Variants in TAB1 observed in about 807,000 individuals in gnomAD.
The protein encoded by TAB1 is TGF-beta-activated kinase 1 and MAP3K7-binding protein 1.
Under a neutral mutation model 54.5 loss-of-function variants are expected in TAB1, and 30 were observed. The observed-to-expected ratio is 0.55, with a 90% confidence interval of 0.41 to 0.75. The LOEUF is 0.75. Among genes scored for constraint, TAB1 ranks in the 30% least tolerant of loss-of-function variants. The probability of loss-of-function intolerance (pLI) is 0.00; values close to 1 mark genes in which losing one functional copy is unlikely to be tolerated. For missense variants in TAB1, 609 were observed against 683.2 expected (o/e 0.89, Z 1.21); for synonymous variants, 289 against 286.9 (o/e 1.01, Z -0.07).
intron 7 of TAB1, among the ~76,000 whole-genome samples, chr22:39,421,075 T>C (rs565908401): frequency 7.9e-5 from 12 of 151,212 alleles, no homozygotes; most frequent in South Asian, 2.1e-4. Context: ...TGCTCCTCCT[T>C]CTTTTCTTTT....
At position 39,431,157 on chromosome 22, in the gene TAB1, A is replaced by G; in HGVS notation, c.*935A>G. ...GGGGGACTTGTTTGAAAGAAAGAGGAGTGGAAAATGGTTCCAGGAGGGAAG... is the reference window on the plus strand; with the variant it reads ...GGGGGACTTGTTTGAAAGAAAGAGGGGTGGAAAATGGTTCCAGGAGGGAAG... On this transcript the variant is annotated 3_prime_UTR_variant, in exon 11 of 11. Transcript: ENST00000216160. 2 of 985,856 alleles carry G rather than the reference A, an allele frequency of 2.0e-6. No individual in the cohort carries two copies. Among genetic ancestry groups the G allele is most frequent in the Non-Finnish European group, 2.4e-6 (2 of 830,314 alleles). The allele number at this position is 985,856 out of a possible 1,614,324, so 61.1% of individuals were successfully genotyped here.
chr22:39,416,601 A>G (rs1926843313), intron 3 of TAB1, 190 bp from the exon 4 acceptor site: 1 of 620,068 alleles, frequency 1.6e-6, no homozygotes, highest in Non-Finnish European at 2.9e-6. Context: ...TGTCAAAGAC[A>G]TTGATCTGCA....
chr22:39,430,838 C>T lies in TAB1; in HGVS notation c.*616C>T. On this transcript the variant is annotated 3_prime_UTR_variant, in exon 11 of 11. Coordinates refer to ENST00000216160, the MANE Select transcript of TAB1 (RefSeq NM_006116.3). ...CTGGGATGGCCACAGAAGGGGCAGG[C>T]CAGGTGGAAAGGAGCCAGGGGGAAG... The T allele has an allele frequency of 4.0e-6, 4 of 990,654 alleles. No homozygotes were observed. Among genetic ancestry groups the T allele is most frequent in the Non-Finnish European group, 4.8e-6 (4 of 832,652 alleles). 61.4% of individuals were successfully genotyped at this position (990,654 alleles called of 1,614,324 possible).
At chr22:39,419,446 G>T (rs900087182) in intron 6 of TAB1, 73 bp from the exon 7 acceptor site, 8 of 1,267,192 alleles carry the variant, frequency 6.3e-6, no homozygotes, top group Non-Finnish European at 1.1e-6. Flanking sequence ...TCCCATGACT[G>T]TGTCTCTGTC....
chr22:39,415,087 G>A lies in TAB1; in HGVS notation c.115G>A (p.Ala39Thr). 1 of 1,612,896 alleles carries A rather than the reference G, an allele frequency of 6.2e-7. No individual in the cohort carries two copies. The highest frequency in any genetic ancestry group is 8.5e-7 in the Non-Finnish European group (1 of 1,179,150). ...CTCAGCCTCCAACCGCAGCTACTCT[G>A]CTGATGGCAAGGGCACTGAGAGCCA... ...VGSASNRSYS[A>T]DGKGTESHPP... The change falls in exon 2 of 11, where the codon GCT (alanine) becomes ACT (threonine). Residue 39 changes from alanine to threonine, a missense_variant. Physicochemically the swap from Ala to Thr is moderately conservative, Grantham distance 58. Transcript: ENST00000216160. The surrounding 1 kb of genome is among the most constrained non-coding windows in gnomAD (Gnocchi z 4.9).
downstream of TAB1, chr22:39,436,606 G>T (rs545379891): frequency 2.0e-6 from 3 of 1,526,746 alleles, no homozygotes; most frequent in Non-Finnish European, 2.7e-6. Flanking sequence ...CCCTCTGGGA[G>T]CTGAGATCAT....
intron 1 of TAB1, among the ~76,000 whole-genome samples, chr22:39,406,397 CAAAAAAA>C (rs11290078): frequency 4.1e-5 from 3 of 73,772 alleles, no homozygotes; most frequent in African/African-American, 1.2e-4. Context: ...AGACTGTCAC[CAAAAAAA>C]AAAAAAAAAA....
intron 1 of TAB1, among the ~76,000 whole-genome samples, chr22:39,403,814 A>AT (rs1026134549): frequency 0.01 from 1,476 of 145,050 alleles, 29 homozygotes; most frequent in East Asian, 0.079. Flanking sequence ...AACTTTTTGT[A>AT]TTTTTTTTTT....
Position 39,415,834 on chromosome 22 carries a change from G to T in TAB1, c.324+181G>T, listed in dbSNP as rs928559306. On this transcript the variant is annotated intron_variant, in intron 3 of 10. Coordinates refer to ENST00000216160, the MANE Select transcript of TAB1 (RefSeq NM_006116.3). This position sits in a 1 kb window ranked among gnomAD's most constrained non-coding sequence, Gnocchi z 4.9. ...CCCAACAGGAGTCCAGGACCAGCCA[G>T]CGAGCAGCAGGCCTTCAATGGCTGG... is the stretch of plus-strand genomic sequence containing the variant. Among the ~76,000 whole-genome samples, 2 of 152,232 alleles carry T rather than the reference G, an allele frequency of 1.3e-5. No individual in the cohort carries two copies. Among genetic ancestry groups the T allele is most frequent in the Non-Finnish European group, 2.9e-5 (2 of 68,044 alleles).
In TAB1 at chr22:39,419,522, TGGATGCTG is replaced by T; in HGVS notation, c.670_677del (p.Asp224LysfsTer23). On this transcript the variant is annotated frameshift_variant, in exon 7 of 11. Transcript: ENST00000216160. LOFTEE classifies it high-confidence loss of function. Reference sequence around the variant, plus strand: ...GTTGCACTGTTTCCCTCCGTAGGCTTGGATGCTGGAAAGATCAAGCAGGTGGGGATCAT... The same window carrying T: ...GTTGCACTGTTTCCCTCCGTAGGCTTGAAAGATCAAGCAGGTGGGGATCAT... 1 of 1,605,016 alleles carries T rather than the reference TGGATGCTG, an allele frequency of 6.2e-7. No homozygotes were observed. Among genetic ancestry groups the T allele is most frequent in the Non-Finnish European group, 8.5e-7 (1 of 1,174,178 alleles).
intron 1 of TAB1, among the ~76,000 whole-genome samples, chr22:39,401,896 G>T (rs1353356764): frequency 6.6e-6 from 1 of 152,160 alleles, no homozygotes; most frequent in Non-Finnish European, 1.5e-5. Flanking sequence ...TCAGACACCT[G>T]CATTCAGAGA....
chr22:39,433,793 T>C (rs1927677617), downstream of TAB1: 1 of 985,268 alleles, frequency 1.0e-6, no homozygotes, highest in African/African-American at 1.7e-5. Context: ...AAGCACCCGA[T>C]TGTGTTGTTT....
intron 8 of TAB1, among the ~76,000 whole-genome samples, chr22:39,422,548 C>T (rs547449920): frequency 5.3e-5 from 8 of 152,008 alleles, no homozygotes; most frequent in Middle Eastern, 3.4e-3. Context: ...GCTGGGATTA[C>T]AGGTGTCTGC....
chr22:39,413,815 G>A (rs4821894), intron 1 of TAB1, among the ~76,000 whole-genome samples: 1 of 152,102 alleles, frequency 6.6e-6, no homozygotes, highest in Non-Finnish European at 1.5e-5. Flanking sequence ...TGGGAGTGCC[G>A]TTGTGAACAA....
chr22:39,418,288 C>A (rs556736397), intron 5 of TAB1, among the ~76,000 whole-genome samples: 8 of 152,116 alleles, frequency 5.3e-5, no homozygotes, highest in African/African-American at 1.7e-4. Flanking sequence ...TCTGATGATG[C>A]TGCCTTTTTT....
chr22:39,427,881 G>A (rs1568987225), intron 9 of TAB1, 140 bp from the exon 10 acceptor site: 1 of 781,044 alleles, frequency 1.3e-6, no homozygotes, highest in Non-Finnish European at 1.9e-6. Context: ...GGCCCCACTG[G>A]GCTTGGGGAG....
Position 39,426,935 on chromosome 22 carries a change from CTG to C in TAB1, c.1144+13_1144+14del. ...CCGAGCCCAGCCCCAGGTACGTGTGCTGTGCAGACAGGCAGTGCCTGGGGATG... is the reference window on the plus strand; with the variant it reads ...CCGAGCCCAGCCCCAGGTACGTGTGCTGCAGACAGGCAGTGCCTGGGGATG... On this transcript the variant is annotated intron_variant, in intron 9 of 10. Transcript: ENST00000216160. 6.2e-7 allele frequency: 1 copy of C among 1,608,324 alleles called. No individual in the cohort carries two copies. Among genetic ancestry groups the C allele is most frequent in the African/African-American group, 1.3e-5 (1 of 75,024 alleles).
chr22:39,404,776 G>A (rs945119476), intron 1 of TAB1, among the ~76,000 whole-genome samples: 1 of 152,160 alleles, frequency 6.6e-6, no homozygotes, highest in Admixed American at 6.5e-5. Context: ...CATTGGAAGT[G>A]CCAACAATGA....
At chr22:39,436,309 A>AG (rs1184089166), downstream of TAB1, among the ~76,000 whole-genome samples, 5 of 152,216 alleles carry the variant, frequency 3.3e-5, no homozygotes, top group African/African-American at 9.6e-5. Context: ...AAGAAAAAAA[A>AG]AAAGGAGTTC....
Sources: allele counts gnomAD v4.1 joint callset (sites outside exome capture counted in the v4.1 genomes callset), GRCh38; gene constraint gnomAD v4.1.1; non-coding constraint Gnocchi (gnomAD v3.1); transcripts MANE v1.5; gene names NCBI Gene and HGNC (gene_info 2026-07-23, HGNC 2026-07-21).